The following CASD1 variants were observed in gnomAD, a reference collection of about 807,000 sequenced individuals.
The protein encoded by CASD1 is CAS1 domain sialic acid O acetyltransferase 1.
A neutral mutation model predicts 100.0 loss-of-function variants in CASD1; 41 were observed. The observed-to-expected ratio is 0.41, with a 90% confidence interval of 0.32 to 0.53. CASD1 has a LOEUF of 0.53. Ranked by LOEUF, CASD1 falls within the 20% of genes least tolerant of loss-of-function variation. The probability of loss-of-function intolerance (pLI) is 0.25; values close to 1 mark genes in which losing one functional copy is unlikely to be tolerated. For synonymous variants in CASD1, 321 were observed against 315.6 expected (o/e 1.02, Z -0.18); for missense variants, 774 against 948.7 (o/e 0.82, Z 2.42).
downstream of CASD1, among the ~76,000 whole-genome samples, chr7:94,559,312 G>GTGTGTA (rs1763360778): frequency 1.4e-5 from 2 of 147,190 alleles, no homozygotes; most frequent in South Asian, 2.1e-4. Context: ...GTGTATGTGT[G>GTGTGTA]TGTGTGTGTG....
rs139316315 is a variant in CASD1, at chr7:94,527,205, T to C, written c.395T>C (p.Val132Ala). ...PFEDKTASVK[V>A]DFLWHPEVNG... Reference sequence around the variant, plus strand: ...GAAGACAAGACTGCATCAGTTAAAGTGGTAAGTTCATGTAATAGTAAGCTA... The same window carrying C: ...GAAGACAAGACTGCATCAGTTAAAGCGGTAAGTTCATGTAATAGTAAGCTA... The change falls in exon 4 of 18, where the codon GTG becomes GCG. Residue 132 changes from valine (V) to alanine (A), a missense_variant and splice_region_variant. Around this residue, in one of 5 missense-constraint regions of CASD1, gnomAD observed 61 missense variants for 115.9 expected, o/e 0.53. Transcript: ENST00000297273. 2.5e-6 allele frequency: 4 copies of C among 1,606,388 alleles called. No homozygotes were observed. In the African/African-American group the frequency reaches 5.3e-5, roughly 21 times the overall value.
At chr7:94,629,926 A>AG in the CASD1 span, 1 of 1,506,300 alleles carries the variant, frequency 6.6e-7, no homozygotes, top group Admixed American at 1.7e-5. Context: ...GTTTATAAAG[A>AG]GGGGTCTCAC....
chr7:94,571,791 T>G, the CASD1 span, among the ~76,000 whole-genome samples: 1 of 151,598 alleles, frequency 6.6e-6, no homozygotes, highest in African/African-American at 2.4e-5. Context: ...AAAATAAGCC[T>G]AGAATCAGAA....
At chr7:94,588,562 A>G in the CASD1 span, 3 of 1,523,468 alleles carry the variant, frequency 2.0e-6, no homozygotes, top group Non-Finnish European at 2.6e-6. Flanking sequence ...AAGTCTGATT[A>G]AGGAATGACA....
intron 10 of CASD1, among the ~76,000 whole-genome samples, chr7:94,543,652 C>T (rs1342187513): frequency 2.0e-5 from 2 of 99,654 alleles, no homozygotes; most frequent in Admixed American, 1.0e-4. Context: ...GAGACTGTCT[C>T]CAAAAAAAAA....
At chr7:94,536,695 TA>T (rs1320542917) in intron 8 of CASD1, among the ~76,000 whole-genome samples, 1 of 134,224 alleles carries the variant, frequency 7.5e-6, no homozygotes, top group Non-Finnish European at 1.8e-5. Context: ...AAATCTTGAT[TA>T]TTTTGAATGT....
the CASD1 span, chr7:94,618,136 G>A: frequency 6.6e-6 from 1 of 152,262 alleles, no homozygotes; most frequent in Non-Finnish European, 1.5e-5. Flanking sequence ...CACAGCTTCA[G>A]AACTGACAAA....
intron 12 of CASD1, among the ~76,000 whole-genome samples, chr7:94,546,045 A>G (rs1242268248): frequency 6.6e-6 from 1 of 151,982 alleles, no homozygotes; most frequent in African/African-American, 2.4e-5. Flanking sequence ...GAGAAGGGAA[A>G]GCCAAATAGG....
intron 15 of CASD1, chr7:94,551,918 A>G (rs1251527128): frequency 1.2e-5 from 2 of 161,724 alleles, no homozygotes; most frequent in African/African-American, 4.8e-5. Flanking sequence ...AAATCAAGGT[A>G]ATGTTAAATG....
the CASD1 span, among the ~76,000 whole-genome samples, chr7:94,606,939 A>C: frequency 6.6e-6 from 1 of 152,204 alleles, no homozygotes; most frequent in Non-Finnish European, 1.5e-5. Flanking sequence ...ATAACTTATC[A>C]AAATGTTTAC....
intron 5 of CASD1, among the ~76,000 whole-genome samples, chr7:94,532,005 G>A (rs1319931570): frequency 6.6e-6 from 1 of 152,036 alleles, no homozygotes; most frequent in Non-Finnish European, 1.5e-5. Flanking sequence ...TAATTTAAGA[G>A]AAAGTGTTTA....
chr7:94,539,824 A>AT (rs1795304477), intron 10 of CASD1, among the ~76,000 whole-genome samples: 1 of 152,108 alleles, frequency 6.6e-6, no homozygotes. Context: ...CTATTTTTAC[A>AT]TTTTTAAAGT....
At chr7:94,544,844 G>A (rs189862987) in intron 11 of CASD1, among the ~76,000 whole-genome samples, 28 of 152,190 alleles carry the variant, frequency 1.8e-4, no homozygotes, top group Admixed American at 9.2e-4. Context: ...TCTTTGAGAA[G>A]AGGATGAATA....
intron 1 of CASD1, among the ~76,000 whole-genome samples, chr7:94,515,415 G>GTT (rs33945937): frequency 3.4e-5 from 5 of 146,584 alleles, no homozygotes; most frequent in South Asian, 2.1e-4. Flanking sequence ...TTTTGCTATG[G>GTT]TTTTTTTTTT....
the CASD1 span, among the ~76,000 whole-genome samples, chr7:94,568,490 A>G: frequency 2.6e-5 from 4 of 152,182 alleles, no homozygotes; most frequent in Non-Finnish European, 5.9e-5. Context: ...TTAGAAAAAA[A>G]TTTTTGCAAA....
At chr7:94,633,929 C>T in the CASD1 span, among the ~76,000 whole-genome samples, 1 of 152,144 alleles carries the variant, frequency 6.6e-6, no homozygotes, top group African/African-American at 2.4e-5. Context: ...GAACACTTGC[C>T]AGTTCTTTTT....
chr7:94,561,012 T>A (rs1024383252), downstream of CASD1, among the ~76,000 whole-genome samples: 1 of 152,016 alleles, frequency 6.6e-6, no homozygotes. Context: ...TTTAGAACAT[T>A]AATATTTGAT....
At chr7:94,601,475 A>AAAAAAAC in the CASD1 span, among the ~76,000 whole-genome samples, 1 of 137,430 alleles carries the variant, frequency 7.3e-6, no homozygotes, top group African/African-American at 2.6e-5. Context: ...AAAAAAAAAA[A>AAAAAAAC]ACTACAACAG....
Position 94,509,995 on chromosome 7 carries a change from G to A in CASD1, c.-90G>A. On this transcript the variant is annotated 5_prime_UTR_variant, in exon 1 of 18. Coordinates refer to ENST00000297273, the MANE Select transcript of CASD1 (RefSeq NM_022900.5). ...CCTGGGGAGCTGGCGGCCGCTCCTC[G>A]CCTGGCTGCAGCGGCGGCAGCCCCA... 3 of 1,281,580 alleles carry A rather than the reference G, an allele frequency of 2.3e-6. No individual in the cohort carries two copies. Among genetic ancestry groups the A allele is most frequent in the Non-Finnish European group, 3.0e-6 (3 of 1,001,736 alleles). The allele number at this position is 1,281,580 out of a possible 1,614,324, so 79.4% of individuals were successfully genotyped here. A position where few individuals can be genotyped will look rare whatever the true frequency, so the allele number is the denominator to read the frequency against.
Sources: allele counts gnomAD v4.1 joint callset (sites outside exome capture counted in the v4.1 genomes callset), GRCh38; gene constraint gnomAD v4.1.1; regional missense constraint gnomAD v4.1.1; transcripts MANE v1.5; gene names NCBI Gene and HGNC (gene_info 2026-07-23, HGNC 2026-07-21).